The following RPL28 variants were observed in gnomAD, a reference collection of about 807,000 sequenced individuals.
RPL28 encodes ribosomal protein L28.
In RPL28, 4 loss-of-function variants were observed where a neutral mutation model predicts 12.5. The observed-to-expected ratio is 0.32, with a 90% CI of 0.16 to 0.73. The LOEUF is 0.73. Ranked by LOEUF, RPL28 falls within the 30% of genes least tolerant of loss-of-function variation. The probability of loss-of-function intolerance (pLI) is 0.66; values close to 1 mark genes in which losing one functional copy is unlikely to be tolerated. For synonymous variants in RPL28, 91 were observed against 72.5 expected (o/e 1.26, Z -1.30); for missense variants, 214 against 197.7 (o/e 1.08, Z -0.49).
In RPL28 at chr19:55,391,886, C is replaced by T. The variant is rs2089993470; in HGVS notation, c.*3554C>T. 2 of 1,355,716 alleles carry T rather than the reference C, an allele frequency of 1.5e-6. No individual in the cohort carries two copies. The highest frequency in any genetic ancestry group is 2.8e-5 in the East Asian group (1 of 36,056). 84.0% of individuals were successfully genotyped at this position (1,355,716 alleles called of 1,614,324 possible). A position where few individuals can be genotyped will look rare whatever the true frequency, so the allele number is the denominator to read the frequency against. ...CTGGAAGACATGCCAGATCCATGTG[C>T]AGTAATGCCTGGTGGCTCCAGGTCT... On this transcript the variant is annotated 3_prime_UTR_variant, in exon 5 of 5. Coordinates refer to ENST00000344063, the MANE Select transcript of RPL28 (RefSeq NM_000991.5).
intron 4 of RPL28, chr19:55,400,097 G>C (rs61280119): frequency 6.6e-6 from 1 of 152,154 alleles, no homozygotes; most frequent in African/African-American, 2.4e-5. Context: ...AACCTCAGCT[G>C]TTTTATTAGA....
Position 55,389,169 on chromosome 19 carries a change from A to G in RPL28, c.*837A>G, listed in dbSNP as rs1279132853. ...CCAGGAGTTTGAGACCATCCTAGGC[A>G]ACATAATGAGACACCGTCTCTAAAA... On this transcript the variant is annotated 3_prime_UTR_variant, in exon 5 of 5. Coordinates refer to ENST00000344063, the MANE Select transcript of RPL28 (RefSeq NM_000991.5). 1 of 978,676 alleles carries G rather than the reference A, an allele frequency of 1.0e-6. No homozygotes were observed. The highest frequency in any genetic ancestry group is 1.8e-5 in the African/African-American group (1 of 56,978). The allele number at this position is 978,676 out of a possible 1,614,324, so 60.6% of individuals were successfully genotyped here.
At chr19:55,387,001 G>A (rs2089937226) in intron 3 of RPL28, 1 of 1,441,878 alleles carries the variant, frequency 6.9e-7, no homozygotes, top group Non-Finnish European at 9.1e-7. Flanking sequence ...AAGTCAGGGT[G>A]GGGATGGATG....
chr19:55,388,138 A>G, intron 4 of RPL28, 90 bp downstream of exon 4: 1 of 1,578,528 alleles, frequency 6.3e-7, no homozygotes, highest in Non-Finnish European at 8.6e-7. Flanking sequence ...TGGGCTGGAG[A>G]GGGATGGATT....
chr19:55,402,518 G>T (rs1452510599), intron 4 of RPL28, among the ~76,000 whole-genome samples: 2 of 152,188 alleles, frequency 1.3e-5, no homozygotes, highest in African/African-American at 4.8e-5. Flanking sequence ...CTCTGAAGTG[G>T]GTCTGGGCAA....
intron 4 of RPL28, among the ~76,000 whole-genome samples, chr19:55,401,947 T>C (rs2090062786): frequency 6.6e-6 from 1 of 152,216 alleles, no homozygotes; most frequent in Non-Finnish European, 1.5e-5. Context: ...CACCTTCATG[T>C]GACCTGCCTC....
rs73054982 is a variant in RPL28, at chr19:55,390,567, C to T, written c.*2235C>T. On this transcript the variant is annotated 3_prime_UTR_variant, in exon 5 of 5. Transcript: ENST00000344063. ...CCTTGCCTGCCCTGGAGGCTTGTGC[C>T]TCTAGGCCCCACCCCCTGTGGAGTC... The T allele has an allele frequency of 1.0e-6, 1 of 985,564 alleles. No homozygotes were observed. Among genetic ancestry groups the T allele is most frequent in the Non-Finnish European group, 1.2e-6 (1 of 830,156 alleles). 61.1% of individuals were successfully genotyped at this position (985,564 alleles called of 1,614,324 possible).
chr19:55,389,326 A>G lies in RPL28; in HGVS notation c.*994A>G, dbSNP rs558087143. 3.1e-6 allele frequency: 3 copies of G among 975,802 alleles called. No homozygotes were observed. Among genetic ancestry groups the G allele is most frequent in the African/African-American group, 3.6e-5 (2 of 55,586 alleles). The allele number at this position is 975,802 out of a possible 1,614,324, so 60.4% of individuals were successfully genotyped here. A position where few individuals can be genotyped will look rare whatever the true frequency, so the allele number is the denominator to read the frequency against. The stretch of plus-strand genomic sequence containing the variant: ...GTGAGCCCATGAGCCCCACCACTAC[A>G]CTCCAGCCTGGAAGACACCATGACA... On this transcript the variant is annotated 3_prime_UTR_variant, in exon 5 of 5. Transcript: ENST00000344063.
Position 55,390,692 on chromosome 19 carries a change from G to C in RPL28, c.*2360G>C. The C allele has an allele frequency of 4.1e-6, 4 of 985,394 alleles. No individual in the cohort carries two copies. The highest frequency in any genetic ancestry group is 4.8e-6 in the Non-Finnish European group (4 of 829,948). The allele number at this position is 985,394 out of a possible 1,614,324, so 61.0% of individuals were successfully genotyped here. A position where few individuals can be genotyped will look rare whatever the true frequency, so the allele number is the denominator to read the frequency against. ...CAGCTTAGTGGGCCTCTGTTCCTGC[G>C]GGTGGCCAGCCTGTCTGTGTGGCTG... On this transcript the variant is annotated 3_prime_UTR_variant, in exon 5 of 5. Coordinates refer to ENST00000344063, the MANE Select transcript of RPL28 (RefSeq NM_000991.5).
chr19:55,391,908 G>C lies in RPL28; in HGVS notation c.*3576G>C, dbSNP rs369549126. 18 of 1,319,518 alleles carry C rather than the reference G, an allele frequency of 1.4e-5. No individual in the cohort carries two copies. Among genetic ancestry groups the C allele is most frequent in the Non-Finnish European group, 1.7e-5 (17 of 1,029,928 alleles). 81.7% of individuals were successfully genotyped at this position (1,319,518 alleles called of 1,614,324 possible). ...GTGCAGTAATGCCTGGTGGCTCCAG[G>C]TCTGCCCCGCCGTCCTGTGGGGCTG... On this transcript the variant is annotated 3_prime_UTR_variant, in exon 5 of 5. Transcript: ENST00000344063.
In RPL28 at chr19:55,389,317, C is replaced by G. The variant is rs762698043; in HGVS notation, c.*985C>G. On this transcript the variant is annotated 3_prime_UTR_variant, in exon 5 of 5. Transcript: ENST00000344063. ...GAGGCTGCAGTGAGCCCATGAGCCC[C>G]ACCACTACACTCCAGCCTGGAAGAC... The G allele has an allele frequency of 2.0e-6, 2 of 977,048 alleles. No individual in the cohort carries two copies. The highest frequency in any genetic ancestry group is 2.4e-6 in the Non-Finnish European group (2 of 823,292). The allele number at this position is 977,048 out of a possible 1,614,324, so 60.5% of individuals were successfully genotyped here.
Position 55,389,103 on chromosome 19 carries a change from T to C in RPL28, c.*771T>C. The C allele has an allele frequency of 6.1e-6, 6 of 985,534 alleles. No individual in the cohort carries two copies. Among genetic ancestry groups the C allele is most frequent in the Non-Finnish European group, 7.2e-6 (6 of 830,010 alleles). The allele number at this position is 985,534 out of a possible 1,614,324, so 61.0% of individuals were successfully genotyped here. ...TGATTGCCCAGCCCTCTTGTTTCCT[T>C]TGGCCTGTTTGCTCCCTAGTGTTTA... On this transcript the variant is annotated 3_prime_UTR_variant, in exon 5 of 5. Coordinates refer to ENST00000344063, the MANE Select transcript of RPL28 (RefSeq NM_000991.5).
intron 3 of RPL28, 174 bp from the exon 4 acceptor site, chr19:55,387,756 G>A (rs2089947035): frequency 2.1e-6 from 3 of 1,457,840 alleles, no homozygotes; most frequent in Non-Finnish European, 2.7e-6. Flanking sequence ...GTGATGACGA[G>A]TGAGCCTCTG....
At position 55,390,138 on chromosome 19, in the gene RPL28, TATA is replaced by T. The variant is rs1458905082; in HGVS notation, c.*1809_*1811del. 36 of 985,456 alleles carry T rather than the reference TATA, an allele frequency of 3.7e-5. No individual in the cohort carries two copies. In the South Asian group the frequency reaches 1.2e-3, roughly 33 times the overall value. 61.0% of individuals were successfully genotyped at this position (985,456 alleles called of 1,614,324 possible). On this transcript the variant is annotated 3_prime_UTR_variant, in exon 5 of 5. Transcript: ENST00000344063. ...AAGGGGTTTGTCTAGCACACCAGCA[TATA>T]ATGAGATGCTTGATGAATGGTGCAT...
downstream of RPL28, among the ~76,000 whole-genome samples, chr19:55,396,043 T>A (rs1349801177): frequency 1.3e-5 from 2 of 151,980 alleles, no homozygotes; most frequent in African/African-American, 2.4e-5. Context: ...TTTGGGAGGC[T>A]GAGATGCGAG....
At chr19:55,399,227 C>G (rs1302278694) in intron 4 of RPL28, among the ~76,000 whole-genome samples, 1 of 152,102 alleles carries the variant, frequency 6.6e-6, no homozygotes, top group African/African-American at 2.4e-5. Flanking sequence ...AGTGCAGTGG[C>G]AGGATCTCAG....
rs1027942545 is a variant in RPL28 at position 55,389,409 on chromosome 19, G to T, written c.*1077G>T. ...CTGTTGATCCTCACATGTTTCCTGG[G>T]CACCTAACTCTGTCAGCCACTGCCA... On this transcript the variant is annotated 3_prime_UTR_variant, in exon 5 of 5. Coordinates refer to ENST00000344063, the MANE Select transcript of RPL28 (RefSeq NM_000991.5). The T allele has an allele frequency of 5.1e-6, 5 of 985,230 alleles. No individual in the cohort carries two copies. In the African/African-American group the frequency reaches 7.0e-5, roughly 14 times the overall value. The allele number at this position is 985,230 out of a possible 1,614,324, so 61.0% of individuals were successfully genotyped here.
intron 3 of RPL28, chr19:55,387,341 C>T (rs1411868233): frequency 6.4e-7 from 1 of 1,551,572 alleles, no homozygotes; most frequent in Non-Finnish European, 8.7e-7. Context: ...GGTCCTTTTA[C>T]TCAGTGGCAG....
intron 4 of RPL28, among the ~76,000 whole-genome samples, chr19:55,402,668 G>C (rs1192966061): frequency 6.6e-6 from 1 of 152,202 alleles, no homozygotes; most frequent in South Asian, 2.1e-4. Context: ...CCAAACTGCA[G>C]GTCTGGCTGC....
Sources: gnomAD v4.1 joint callset for allele counts (sites outside exome capture counted in the v4.1 genomes callset) on GRCh38, gnomAD v4.1.1 for gene constraint, MANE v1.5 for transcripts, NCBI Gene and HGNC (gene_info 2026-07-23, HGNC 2026-07-21) for gene names.